The following PDE4A variants were observed in gnomAD, a reference collection of about 807,000 sequenced individuals.
PDE4A encodes phosphodiesterase 4A.
In PDE4A, 21 loss-of-function variants were observed where a neutral mutation model predicts 73.9. The ratio of observed to expected loss-of-function variants is 0.28; its 90% CI spans 0.20 to 0.41. The LOEUF is 0.41. Ranked by LOEUF, PDE4A falls within the 10% of genes least tolerant of loss-of-function variation. The pLI, the probability that PDE4A is intolerant of heterozygous loss-of-function variation, is 1.00. For missense variants in PDE4A, 958 were observed against 1,211.4 expected (o/e 0.79, Z 3.10); for synonymous variants, 463 against 505.4 (o/e 0.92, Z 1.13).
chr19:10,418,644 C>A, upstream of PDE4A: 1 of 463,166 alleles, frequency 2.2e-6, no homozygotes, highest in Non-Finnish European at 2.8e-6. Flanking sequence ...GCCCATCCCA[C>A]TAGCCTCAGG....
chr19:10,452,669 G>A (rs1186706142), intron 6 of PDE4A, among the ~76,000 whole-genome samples: 1 of 152,074 alleles, frequency 6.6e-6, no homozygotes, highest in African/African-American at 2.4e-5. Context: ...TTGAGTATCT[G>A]TGTATATTCA....
At position 10,453,231 on chromosome 19, in the gene PDE4A, G is replaced by T. The variant is rs1282256250; in HGVS notation, c.784-1598G>T. On this transcript the variant is annotated intron_variant, in intron 6 of 14. Coordinates refer to ENST00000380702, the MANE Select transcript of PDE4A (RefSeq NM_001111307.2). This position sits in a 1 kb window ranked among gnomAD's most constrained non-coding sequence, Gnocchi z 4.6. ...GGGACTCCCCAAGCCCAGCCTCTGT[G>T]TGCAGCAGCCCCAGGCGGGCTAAGT... 6.3e-7 allele frequency: 1 copy of T among 1,599,172 alleles called. No individual in the cohort carries two copies. Among genetic ancestry groups the T allele is most frequent in the African/African-American group, 1.3e-5 (1 of 74,844 alleles).
At chr19:10,464,357 A>G in intron 14 of PDE4A, 1 of 455,534 alleles carries the variant, frequency 2.2e-6, no homozygotes, top group Non-Finnish European at 4.4e-6. Context: ...TGGCCTCCCA[A>G]AATGCCAGGA....
At position 10,444,004 on chromosome 19, in the gene PDE4A, CA is replaced by C. The variant is rs56177093; in HGVS notation, c.321-2198del. On this transcript the variant is annotated intron_variant, in intron 1 of 14. Coordinates refer to ENST00000380702, the MANE Select transcript of PDE4A (RefSeq NM_001111307.2). ...TCTAGGTGACAGAGCAAGACTGTCT[CA>C]AAAAAAAAAAAAAAAGATAAATATA... 7.0e-3 allele frequency among the ~76,000 whole-genome samples: 793 copies of C among 113,724 alleles called. 5 individuals carry two copies. The highest frequency in any genetic ancestry group is 0.019 in the African/African-American group (590 of 30,820). 74.6% of individuals were successfully genotyped at this position (113,724 alleles called of 152,430 possible).
Position 10,421,735 on chromosome 19 carries a change from G to C in PDE4A, c.320+651G>C, listed in dbSNP as rs547027231. On this transcript the variant is annotated intron_variant, in intron 1 of 14. Coordinates refer to ENST00000380702, the MANE Select transcript of PDE4A (RefSeq NM_001111307.2). Reference sequence around the variant, plus strand: ...GTTCAGAGGCAGGAAACAGTGGAGGGGGGGCGCAGTCCCAGCACAGAGGGA... The same window carrying C: ...GTTCAGAGGCAGGAAACAGTGGAGGCGGGGCGCAGTCCCAGCACAGAGGGA... Among the ~76,000 whole-genome samples the C allele has an allele frequency of 6.2e-4, 94 of 152,294 alleles. 1 individual carries two copies. The highest frequency in any genetic ancestry group is 2.2e-3 in the African/African-American group (92 of 41,558).
At chr19:10,420,289 C>A, upstream of PDE4A, 1 of 560,782 alleles carries the variant, frequency 1.8e-6, no homozygotes, top group Non-Finnish European at 2.3e-6. This position sits in a 1 kb window ranked among gnomAD's most constrained non-coding sequence, Gnocchi z 6.0. Flanking sequence ...CGTGCCTGTG[C>A]GCGCCGCGGC....
At chr19:10,430,949 CCCGCGCGCGCCCCG>C in intron 1 of PDE4A, 1 of 1,529,330 alleles carries the variant, frequency 6.5e-7, no homozygotes. Flanking sequence ...AGCCCCTGGC[CCCGCGCGCGCCCCG>C]CCGCCCGCGT....
intron 1 of PDE4A, chr19:10,423,236 G>A (rs1042342454): frequency 5.6e-6 from 3 of 538,570 alleles, no homozygotes; most frequent in Non-Finnish European, 4.6e-6. Flanking sequence ...TCAGCTCACT[G>A]CAACCTCTGC....
upstream of PDE4A, chr19:10,420,011 G>C (rs564827544): frequency 6.6e-6 from 1 of 152,474 alleles, no homozygotes; most frequent in South Asian, 2.1e-4. The surrounding 1 kb of genome is among the most constrained non-coding windows in gnomAD (Gnocchi z 6.0). Context: ...CCTCGGAAGA[G>C]GCCACGTGCG....
At position 10,458,254 on chromosome 19, in the gene PDE4A, T is replaced by C. The variant is rs1237520014; in HGVS notation, c.1101+152T>C. The C allele has an allele frequency of 5.7e-6, 4 of 697,046 alleles. No homozygotes were observed. The highest frequency in any genetic ancestry group is 9.6e-6 in the Non-Finnish European group (4 of 417,854). 43.2% of individuals were successfully genotyped at this position (697,046 alleles called of 1,614,324 possible). A position where few individuals can be genotyped will look rare whatever the true frequency, so the allele number is the denominator to read the frequency against. ...CCCATCTTGAGGCAAGCATGCTGGC[T>C]CTTTGTACCTCTGTATCATTCATTG... On this transcript the variant is annotated intron_variant, in intron 8 of 14. Coordinates refer to ENST00000380702, the MANE Select transcript of PDE4A (RefSeq NM_001111307.2). This position sits in a 1 kb window ranked among gnomAD's most constrained non-coding sequence, Gnocchi z 4.6.
chr19:10,430,675 C>T (rs1047175880), intron 1 of PDE4A, among the ~76,000 whole-genome samples: 3 of 151,532 alleles, frequency 2.0e-5, no homozygotes, highest in African/African-American at 2.4e-5. Context: ...GTGCGGGCGC[C>T]CCAGACCCGC....
chr19:10,452,020 GGTGTGTGTGTGTGTGTGTGTGT>G (rs58194674), intron 6 of PDE4A, among the ~76,000 whole-genome samples: 2 of 140,098 alleles, frequency 1.4e-5, no homozygotes, highest in South Asian at 2.4e-4. Flanking sequence ...TTTCTGCAAT[GGTGTGTGTGTGTGTGTGTGTGT>G]GTGTGTGTGT....
chr19:10,429,909 A>T (rs115491029), intron 1 of PDE4A, among the ~76,000 whole-genome samples: 580 of 152,092 alleles, frequency 3.8e-3, no homozygotes, highest in African/African-American at 0.013. Context: ...CATCTCAGAG[A>T]TGCTGTAGAA....
At chr19:10,443,152 A>T (rs2042960725) in intron 1 of PDE4A, among the ~76,000 whole-genome samples, 1 of 151,838 alleles carries the variant, frequency 6.6e-6, no homozygotes, top group African/African-American at 2.4e-5. Flanking sequence ...CAGCCTGGGC[A>T]ACAGAGTGAG....
At chr19:10,417,749 CCTGGG>C, upstream of PDE4A, 7 of 1,581,848 alleles carry the variant, frequency 4.4e-6, no homozygotes, top group Non-Finnish European at 5.1e-6. Flanking sequence ...CCGGTCCTGG[CCTGGG>C]CTGGGCCCAG....
At chr19:10,445,155 G>A (rs921966624) in intron 1 of PDE4A, among the ~76,000 whole-genome samples, 1 of 152,208 alleles carries the variant, frequency 6.6e-6, no homozygotes, top group African/African-American at 2.4e-5. Context: ...CCTCATTCAG[G>A]TGTTTCCAAG....
upstream of PDE4A, chr19:10,420,247 G>T: frequency 3.6e-6 from 1 of 275,996 alleles, no homozygotes; most frequent in Non-Finnish European, 5.5e-6. The surrounding 1 kb of genome is among the most constrained non-coding windows in gnomAD (Gnocchi z 6.0). Flanking sequence ...TCCGGTGTCT[G>T]CTTCCAGATC....
At chr19:10,435,561 A>AACACACACAC (rs35022243) in intron 1 of PDE4A, among the ~76,000 whole-genome samples, 71 of 145,438 alleles carry the variant, frequency 4.9e-4, no homozygotes, top group African/African-American at 1.8e-3. Flanking sequence ...ACCCTGTATC[A>AACACACACAC]ACACACACAC....
chr19:10,461,846 A>G, intron 12 of PDE4A, 31 bp from the exon 13 acceptor site: 2 of 1,606,024 alleles, frequency 1.2e-6, no homozygotes, highest in East Asian at 2.2e-5. Flanking sequence ...GGCGGGTGTC[A>G]GCGGCCCCAG....
Sources: gnomAD v4.1 joint callset for allele counts (sites outside exome capture counted in the v4.1 genomes callset) on GRCh38, gnomAD v4.1.1 for gene constraint, Gnocchi (gnomAD v3.1) non-coding constraint, MANE v1.5 for transcripts, NCBI Gene and HGNC (gene_info 2026-07-23, HGNC 2026-07-21) for gene names.